ADAMTS20: variants seen among roughly 807,000 people sequenced by gnomAD.
The protein encoded by ADAMTS20 is A disintegrin and metalloproteinase with thrombospondin motifs 20.
Under a neutral mutation model 260.1 loss-of-function variants are expected in ADAMTS20, and 225 were observed. The observed-to-expected ratio is 0.87, with a 90% CI of 0.78 to 0.97. ADAMTS20 has a LOEUF of 0.97. ADAMTS20 is among the 50% of genes least tolerant of loss of function. The probability of loss-of-function intolerance (pLI) is 0.00; values close to 1 mark genes in which losing one functional copy is unlikely to be tolerated. For missense variants in ADAMTS20, 2,400 were observed against 2,337.7 expected, an observed-to-expected ratio of 1.03 and a Z score of -0.55; for synonymous variants, 802 against 769.5, an observed-to-expected ratio of 1.04 and a Z score of -0.70.
chr12:43,551,064 G>A lies in ADAMTS20; in HGVS notation c.298C>T (p.Leu100=), dbSNP rs2137537449. The A allele has an allele frequency of 6.2e-7, 1 of 1,613,844 alleles. No individual in the cohort carries two copies. The highest frequency in any genetic ancestry group is 8.5e-7 in the Non-Finnish European group (1 of 1,179,826). The change falls in exon 2 of 39, where the codon CTG becomes TTG. Residue 100 remains leucine, a synonymous_variant. Coordinates refer to ENST00000389420, the MANE Select transcript of ADAMTS20 (RefSeq NM_025003.5). This position sits in a 1 kb window ranked among gnomAD's most constrained non-coding sequence, Gnocchi z 4.6. ...TGCACCTCGGTGTAGCCGGCGGCCA[G>A]AAAGGATGCATCGGCGGTCAGGTTC... is the stretch of plus-strand genomic sequence containing the variant. ...QLNLTADASF[L]AAGYTEVHLG...
chr12:43,546,924 C>A (rs1943448279), intron 2 of ADAMTS20, among the ~76,000 whole-genome samples: 2 of 152,072 alleles, frequency 1.3e-5, no homozygotes, highest in Admixed American at 6.6e-5. Context: ...GAATTATATA[C>A]ATGTTAAACA....
At chr12:43,399,923 G>C (rs535929856) in intron 28 of ADAMTS20, among the ~76,000 whole-genome samples, 4 of 152,018 alleles carry the variant, frequency 2.6e-5, no homozygotes, top group Non-Finnish European at 5.9e-5. Context: ...AAGCACTTGG[G>C]CTCTGGCATT....
intron 37 of ADAMTS20, 47 bp from the exon 38 acceptor site, chr12:43,356,635 A>C: frequency 7.3e-7 from 1 of 1,366,380 alleles, no homozygotes; most frequent in Non-Finnish European, 1.0e-6. Flanking sequence ...TTTACAAAAT[A>C]TTTGATTACA....
Position 43,377,355 on chromosome 12 carries a change from G to A in ADAMTS20, c.4995+10C>T, listed in dbSNP as rs747664559. The A allele has an allele frequency of 3.1e-6, 5 of 1,603,072 alleles. No individual in the cohort carries two copies. Among genetic ancestry groups the A allele is most frequent in the Non-Finnish European group, 4.3e-6 (5 of 1,173,530 alleles). ...TTCAGAAGTTTTAAAATTCATAATT[G>A]TACACCGACCTTGCTCCATTTTCCA... On this transcript the variant is annotated intron_variant, in intron 32 of 38. Transcript: ENST00000389420.
Position 43,420,800 on chromosome 12 carries a change from C to CTTTTTTTTTTTTTTTTTT in ADAMTS20, c.4284+4696_4284+4713dup, listed in dbSNP as rs747496684. ...TCTTCTTCTTCTCCTCCTCCTCCTT[C>CTTTTTTTTTTTTTTTTTT]TTTTTTTTTTTTTTTTTTTTTTTTT... On this transcript the variant is annotated intron_variant, in intron 28 of 38. Coordinates refer to ENST00000389420, the MANE Select transcript of ADAMTS20 (RefSeq NM_025003.5). 4.5e-3 allele frequency among the ~76,000 whole-genome samples: 247 copies of CTTTTTTTTTTTTTTTTTT among 55,500 alleles called. 26 individuals carry two copies. Among genetic ancestry groups the CTTTTTTTTTTTTTTTTTT allele is most frequent in the East Asian group, 0.016 (12 of 734 alleles). 36.4% of individuals were successfully genotyped at this position (55,500 alleles called of 152,430 possible).
intron 2 of ADAMTS20, among the ~76,000 whole-genome samples, chr12:43,532,610 T>C (rs1464982059): frequency 7.6e-6 from 1 of 130,860 alleles, no homozygotes; most frequent in Admixed American, 7.8e-5. Context: ...TTGTGCAGGT[T>C]AGTTACATAT....
rs11831538 is a variant in ADAMTS20, at chr12:43,466,992, G to T, written c.1224-197C>A. On this transcript the variant is annotated intron_variant, in intron 8 of 38. Transcript: ENST00000389420. ...ACCTGATGACTGAGAAATATTATAGGCTGGTGATCTGGCATCTGAATCTAC... is the reference window on the plus strand; with the variant it reads ...ACCTGATGACTGAGAAATATTATAGTCTGGTGATCTGGCATCTGAATCTAC... 7.1e-3 allele frequency among the ~76,000 whole-genome samples: 1,022 copies of T among 143,110 alleles called. 10 individuals are homozygous for T. The highest frequency in any genetic ancestry group is 0.024 in the African/African-American group (978 of 40,018). The allele number at this position is 143,110 out of a possible 152,430, so 93.9% of individuals were successfully genotyped here.
intron 4 of ADAMTS20, among the ~76,000 whole-genome samples, chr12:43,496,546 A>G (rs962469302): frequency 6.6e-6 from 1 of 152,182 alleles, no homozygotes; most frequent in African/African-American, 2.4e-5. Flanking sequence ...GAGAAGCCCT[A>G]GGCAGTCAGC....
chr12:43,404,833 G>T (rs781337408), intron 28 of ADAMTS20, among the ~76,000 whole-genome samples: 31 of 152,040 alleles, frequency 2.0e-4, no homozygotes, highest in Non-Finnish European at 2.1e-4. Context: ...TTGAGAGGGA[G>T]TTTAAAGAAA....
In ADAMTS20 at chr12:43,439,629, C is replaced by T. The variant is rs373623926; in HGVS notation, c.2586G>A (p.Met862Ile). ...TATTGAATGCCAGCGTACCTTGACA[C>T]ATTTTGGTACAGCCTTCCCATGGTC... ...PYGPWEGCTK[M>I]CQGLQRRNIT... Residue 862 changes from methionine to isoleucine, a missense_variant, in exon 18 of 39, where the codon ATG becomes ATA. Met to Ile is a conservative substitution (Grantham distance 10). Coordinates refer to ENST00000389420, the MANE Select transcript of ADAMTS20 (RefSeq NM_025003.5). 3.3e-5 allele frequency: 53 copies of T among 1,604,254 alleles called. No individual in the cohort carries two copies. Among genetic ancestry groups the T allele is most frequent in the Non-Finnish European group, 4.2e-6 (5 of 1,177,432 alleles).
intron 36 of ADAMTS20, among the ~76,000 whole-genome samples, chr12:43,372,994 G>T (rs1940139750): frequency 6.6e-6 from 1 of 152,238 alleles, no homozygotes; most frequent in Admixed American, 6.5e-5. Flanking sequence ...GTAGGAGAGA[G>T]AATGGACTAG....
intron 31 of ADAMTS20, among the ~76,000 whole-genome samples, chr12:43,381,270 CATAG>C (rs1940343949): frequency 6.6e-6 from 1 of 152,044 alleles, no homozygotes; most frequent in Non-Finnish European, 1.5e-5. Flanking sequence ...ACAAAGAAAA[CATAG>C]ATATATATCT....
intron 32 of ADAMTS20, 56 bp from the exon 33 acceptor site, chr12:43,376,709 A>G: frequency 1.3e-6 from 2 of 1,549,756 alleles, no homozygotes. Flanking sequence ...AAGGCCATAA[A>G]ATCCAAGTCT....
At chr12:43,462,078 A>ATAGCTAT (rs1272466567) in intron 11 of ADAMTS20, among the ~76,000 whole-genome samples, 2 of 152,256 alleles carry the variant, frequency 1.3e-5, no homozygotes, top group African/African-American at 4.8e-5. Context: ...GCTATTATAA[A>ATAGCTAT]TATTTCAAGG....
intron 3 of ADAMTS20, among the ~76,000 whole-genome samples, chr12:43,529,702 C>T (rs1168398936): frequency 6.6e-6 from 1 of 152,068 alleles, no homozygotes; most frequent in Non-Finnish European, 1.5e-5. Flanking sequence ...ATATGAGGTG[C>T]AAGGTACACT....
At chr12:43,394,672 C>A (rs139268517) in intron 29 of ADAMTS20, among the ~76,000 whole-genome samples, 1 of 152,038 alleles carries the variant, frequency 6.6e-6, no homozygotes, top group Non-Finnish European at 1.5e-5. Context: ...CTTCATGTGT[C>A]CTTCTTGGCC....
At chr12:43,476,738 C>G (rs1165755209) in intron 7 of ADAMTS20, among the ~76,000 whole-genome samples, 4 of 126,186 alleles carry the variant, frequency 3.2e-5, no homozygotes, top group East Asian at 2.6e-4. Flanking sequence ...AGTAAACTAT[C>G]ACAAGAACAA....
intron 3 of ADAMTS20, among the ~76,000 whole-genome samples, chr12:43,505,443 AAAAC>A (rs1363887952): frequency 1.3e-5 from 2 of 152,342 alleles, no homozygotes; most frequent in South Asian, 2.1e-4. Flanking sequence ...CAACAACAGG[AAAAC>A]AAACAACCTG....
intron 18 of ADAMTS20, among the ~76,000 whole-genome samples, chr12:43,438,884 A>G (rs1228677382): frequency 1.3e-5 from 2 of 152,232 alleles, no homozygotes; most frequent in African/African-American, 4.8e-5. Context: ...GTGCGTATCT[A>G]TAGTACTGTA....
Sources: allele counts gnomAD v4.1 joint callset (sites outside exome capture counted in the v4.1 genomes callset), GRCh38; gene constraint gnomAD v4.1.1; non-coding constraint Gnocchi (gnomAD v3.1); transcripts MANE v1.5; gene names NCBI Gene and HGNC (gene_info 2026-07-23, HGNC 2026-07-21).